NECTIN3: variants seen among roughly 807,000 people sequenced by gnomAD.
NECTIN3 encodes the protein nectin cell adhesion molecule 3, also known as nectin-3.
In NECTIN3, 8 loss-of-function variants were observed where a neutral mutation model predicts 49.4. That is an observed-to-expected ratio of 0.16 (90% CI 0.10 to 0.29). The LOEUF (loss-of-function observed/expected upper bound fraction) is 0.29. Among genes scored for constraint, NECTIN3 ranks in the 10% least tolerant of loss-of-function variants. The pLI, the probability that NECTIN3 is intolerant of heterozygous loss-of-function variation, is 1.00. For synonymous variants in NECTIN3, 277 were observed against 241.1 expected, an observed-to-expected ratio of 1.15 and a Z score of -1.38; for missense variants, 581 against 654.6, an observed-to-expected ratio of 0.89 and a Z score of 1.23.
intron 6 of NECTIN3, among the ~76,000 whole-genome samples, chr3:111,145,802 G>C (rs1025821085): frequency 2.0e-5 from 3 of 152,166 alleles, no homozygotes; most frequent in Non-Finnish European, 4.4e-5. Context: ...TTTATGTTGG[G>C]ACATAAGGTT....
intron 1 of NECTIN3, among the ~76,000 whole-genome samples, chr3:111,108,963 A>C (rs1458616440): frequency 1.3e-5 from 2 of 152,184 alleles, no homozygotes; most frequent in African/African-American, 2.4e-5. Context: ...CTATAACAAA[A>C]TACTGTAAAC....
chr3:111,076,054 C>T (rs2031172668), intron 1 of NECTIN3, among the ~76,000 whole-genome samples: 2 of 152,054 alleles, frequency 1.3e-5, no homozygotes, highest in Non-Finnish European at 2.9e-5. Flanking sequence ...TTGCAGTTAT[C>T]TACAACATCA....
chr3:111,153,946 G>A (rs746942342), intron 7 of NECTIN3, among the ~76,000 whole-genome samples: 46 of 152,222 alleles, frequency 3.0e-4, no homozygotes, highest in Non-Finnish European at 6.2e-4. Flanking sequence ...TGAATGGGCA[G>A]TACCTGTGAT....
At chr3:111,094,042 ATAT>A (rs541176032) in intron 1 of NECTIN3, among the ~76,000 whole-genome samples, 165 of 152,206 alleles carry the variant, frequency 1.1e-3, no homozygotes, top group South Asian at 4.8e-3. Flanking sequence ...TGATTAAAAG[ATAT>A]TATGATTTTA....
downstream of NECTIN3, among the ~76,000 whole-genome samples, chr3:111,137,971 T>C (rs1201591697): frequency 2.0e-5 from 3 of 151,542 alleles, no homozygotes; most frequent in Non-Finnish European, 1.5e-5. Flanking sequence ...GAATTAACAT[T>C]CTCCATAGTT....
At chr3:111,119,090 AC>A in intron 3 of NECTIN3, 138 bp downstream of exon 3, 1 of 827,168 alleles carries the variant, frequency 1.2e-6, no homozygotes, top group Non-Finnish European at 1.8e-6. Flanking sequence ...ATTTCATTTA[AC>A]CAGAACATTT....
chr3:111,145,443 C>T (rs902330867), intron 6 of NECTIN3, among the ~76,000 whole-genome samples: 4 of 152,076 alleles, frequency 2.6e-5, no homozygotes, highest in Non-Finnish European at 2.9e-5. Flanking sequence ...TATAACTGAA[C>T]TATCAAGTTA....
At chr3:111,096,962 T>A (rs965392664) in intron 1 of NECTIN3, among the ~76,000 whole-genome samples, 1 of 152,280 alleles carries the variant, frequency 6.6e-6, no homozygotes, top group Admixed American at 6.5e-5. Flanking sequence ...TACCACCTAG[T>A]GGAGCTGTGA....
At chr3:111,156,566 C>T (rs564698390) in intron 7 of NECTIN3, among the ~76,000 whole-genome samples, 7 of 151,688 alleles carry the variant, frequency 4.6e-5, no homozygotes, top group African/African-American at 7.3e-5. Context: ...GGATTTGTTT[C>T]GGGCAAAGTA....
At chr3:111,125,175 C>G (rs991379889) in intron 4 of NECTIN3, among the ~76,000 whole-genome samples, 3 of 151,376 alleles carry the variant, frequency 2.0e-5, no homozygotes, top group Admixed American at 2.0e-4. Context: ...ATTACAGGCA[C>G]CCGCCACCAT....
intron 1 of NECTIN3, among the ~76,000 whole-genome samples, chr3:111,091,957 T>G (rs1209626683): frequency 6.6e-6 from 1 of 152,208 alleles, no homozygotes; most frequent in African/African-American, 2.4e-5. Flanking sequence ...CAAAAACTTG[T>G]TATCTGCCTT....
At chr3:111,072,498 T>A in intron 1 of NECTIN3, 1 of 1,535,924 alleles carries the variant, frequency 6.5e-7, no homozygotes, top group Non-Finnish European at 8.7e-7. Context: ...TCGCTCATTC[T>A]CTGGGAACCC....
At chr3:111,114,043 G>A (rs2033585122) in intron 2 of NECTIN3, among the ~76,000 whole-genome samples, 1 of 152,024 alleles carries the variant, frequency 6.6e-6, no homozygotes, top group South Asian at 2.1e-4. Flanking sequence ...CAAGCTCATG[G>A]GGATAAAATC....
At chr3:111,123,600 C>A (rs1274115687) in intron 4 of NECTIN3, among the ~76,000 whole-genome samples, 1 of 152,036 alleles carries the variant, frequency 6.6e-6, no homozygotes, top group African/African-American at 2.4e-5. Flanking sequence ...AGATGAATGT[C>A]TGGTATTTGT....
At chr3:111,123,608 T>C (rs2034041978) in intron 4 of NECTIN3, among the ~76,000 whole-genome samples, 1 of 152,164 alleles carries the variant, frequency 6.6e-6, no homozygotes, top group Non-Finnish European at 1.5e-5. Context: ...GTCTGGTATT[T>C]GTACAGAGTT....
intron 1 of NECTIN3, among the ~76,000 whole-genome samples, chr3:111,093,926 A>G (rs1030824830): frequency 6.6e-6 from 1 of 152,164 alleles, no homozygotes; most frequent in African/African-American, 2.4e-5. Flanking sequence ...CATAACTTGC[A>G]TTGCCTTGTC....
At chr3:111,080,099 G>A (rs986613802) in intron 1 of NECTIN3, among the ~76,000 whole-genome samples, 1 of 151,950 alleles carries the variant, frequency 6.6e-6, no homozygotes, top group African/African-American at 2.4e-5. Flanking sequence ...TTTATAATTA[G>A]TAATACTAAT....
intron 5 of NECTIN3, among the ~76,000 whole-genome samples, chr3:111,127,809 C>A (rs1451284818): frequency 6.6e-6 from 1 of 152,074 alleles, no homozygotes; most frequent in Non-Finnish European, 1.5e-5. Flanking sequence ...CTCAAGTGAT[C>A]TGCCCACCTC....
upstream of NECTIN3, among the ~76,000 whole-genome samples, chr3:111,189,767 T>C (rs1270710860): frequency 2.0e-5 from 3 of 152,226 alleles, no homozygotes; most frequent in Non-Finnish European, 4.4e-5. Flanking sequence ...AAATTAAGGC[T>C]GTCAAGATGG....
Sources: allele counts gnomAD v4.1 joint callset (sites outside exome capture counted in the v4.1 genomes callset), GRCh38; gene constraint gnomAD v4.1.1; transcripts MANE v1.5; gene names NCBI Gene and HGNC (gene_info 2026-07-23, HGNC 2026-07-21).